Variants in NAA15 observed in about 807,000 individuals in gnomAD.
NAA15 encodes N-alpha-acetyltransferase 15, NatA auxiliary subunit, also known as N-terminal acetyltransferase.
In NAA15, 34 loss-of-function variants were observed where a neutral mutation model predicts 114.0. The observed-to-expected ratio is 0.30, with a 90% confidence interval of 0.23 to 0.40. NAA15 has a LOEUF of 0.40. Ranked by LOEUF, NAA15 falls within the 10% of genes least tolerant of loss-of-function variation. NAA15 has a pLI of 1.00. For synonymous variants in NAA15, 340 were observed against 338.0 expected (o/e 1.01, Z -0.06); for missense variants, 658 against 1,004.5 (o/e 0.66, Z 4.66).
intron 1 of NAA15, among the ~76,000 whole-genome samples, chr4:139,326,310 A>G (rs1746798835): frequency 6.6e-6 from 1 of 152,190 alleles, no homozygotes; most frequent in South Asian, 2.1e-4. Context: ...TATCTCGTGT[A>G]AAATGAAGAT....
chr4:139,349,231 T>C (rs1351039583), intron 6 of NAA15, among the ~76,000 whole-genome samples: 1 of 152,120 alleles, frequency 6.6e-6, no homozygotes. Context: ...ATTTTCTGAA[T>C]AAATTGAGGA....
At position 139,349,580 on chromosome 4, in the gene NAA15, A is replaced by G. The variant is rs201104167; in HGVS notation, c.810A>G (p.Pro270=). Residue 270 remains proline, a splice_region_variant and synonymous_variant, in exon 7 of 20, where the codon CCA becomes CCG. Coordinates refer to ENST00000296543, the MANE Select transcript of NAA15 (RefSeq NM_057175.5). ...YYKGLEKALK[P]ANMLERLKIY... is the part of the protein sequence containing the mutation. ...AAGGCTTGGAAAAAGCACTCAAGCCAGGTAGTATTGTTTAAAACTTACTAA... is the reference window on the plus strand; with the variant it reads ...AAGGCTTGGAAAAAGCACTCAAGCCGGGTAGTATTGTTTAAAACTTACTAA... 4 of 1,598,682 alleles carry G rather than the reference A, an allele frequency of 2.5e-6. No individual in the cohort carries two copies. The highest frequency in any genetic ancestry group is 3.4e-6 in the Non-Finnish European group (4 of 1,176,360).
Position 139,361,944 on chromosome 4 carries a change from TA to T in NAA15, c.1753+8del, listed in dbSNP as rs1748144773. ...GAACACGAAGCTGATACAGGTATAATATTCAGAGTTCTTCTTGTGCTCTGAT... is the reference window on the plus strand; with the variant it reads ...GAACACGAAGCTGATACAGGTATAATTTCAGAGTTCTTCTTGTGCTCTGAT... On this transcript the variant is annotated splice_region_variant and intron_variant, in intron 14 of 19. Coordinates refer to ENST00000296543, the MANE Select transcript of NAA15 (RefSeq NM_057175.5). 1 of 1,585,430 alleles carries T rather than the reference TA, an allele frequency of 6.3e-7. No individual in the cohort carries two copies. Among genetic ancestry groups the T allele is most frequent in the Non-Finnish European group, 8.6e-7 (1 of 1,161,310 alleles).
chr4:139,370,502 A>G (rs1220717215), intron 15 of NAA15, 98 bp downstream of exon 15: 13 of 1,185,230 alleles, frequency 1.1e-5, no homozygotes, highest in Non-Finnish European at 1.3e-5. Flanking sequence ...ACCTTATGTG[A>G]TATAGGTTTT....
intron 1 of NAA15, among the ~76,000 whole-genome samples, chr4:139,308,152 G>A (rs892485838): frequency 1.1e-4 from 16 of 151,944 alleles, no homozygotes; most frequent in East Asian, 5.8e-4. Flanking sequence ...TAGTAGAGAC[G>A]GGGTTTCACC....
chr4:139,348,673 T>A (rs1410797375), intron 6 of NAA15, among the ~76,000 whole-genome samples: 1 of 152,208 alleles, frequency 6.6e-6, no homozygotes, highest in Admixed American at 6.5e-5. Context: ...TATATAATAG[T>A]GAAACCACTG....
chr4:139,380,431 G>T (rs983140469), intron 17 of NAA15, among the ~76,000 whole-genome samples: 4 of 152,052 alleles, frequency 2.6e-5, no homozygotes, highest in African/African-American at 9.7e-5. Flanking sequence ...TTCCTGAAAG[G>T]TAGTAAAATA....
rs148484204 is a variant in NAA15 at position 139,360,455 on chromosome 4, G to A, written c.1411-45G>A. ...TTTTAAAATTCTGTGGTAGAATGAT[G>A]TCTATGATAAAAAGTGATCTTGAAA... On this transcript the variant is annotated intron_variant, in intron 12 of 19. Coordinates refer to ENST00000296543, the MANE Select transcript of NAA15 (RefSeq NM_057175.5). 2,137 of 1,450,264 alleles carry A rather than the reference G, an allele frequency of 1.5e-3. 6 individuals carry two copies. The highest frequency in any genetic ancestry group is 1.7e-3 in the Non-Finnish European group (1,900 of 1,093,124). 89.8% of individuals were successfully genotyped at this position (1,450,264 alleles called of 1,614,324 possible). A position where few individuals can be genotyped will look rare whatever the true frequency, so the allele number is the denominator to read the frequency against.
intron 1 of NAA15, among the ~76,000 whole-genome samples, chr4:139,315,005 G>T (rs148326714): frequency 0.25 from 29,501 of 115,746 alleles, 5,133 homozygotes; most frequent in African/African-American, 0.37. Context: ...GTTCAGTTTA[G>T]TTTAGGTTAG....
At position 139,388,171 on chromosome 4, in the gene NAA15, TACAC is replaced by T. The variant is rs1447794718; in HGVS notation, c.*89_*92del. 2 of 1,092,374 alleles carry T rather than the reference TACAC, an allele frequency of 1.8e-6. No individual in the cohort carries two copies. The highest frequency in any genetic ancestry group is 2.7e-6 in the Non-Finnish European group (2 of 752,432). 67.7% of individuals were successfully genotyped at this position (1,092,374 alleles called of 1,614,324 possible). On this transcript the variant is annotated 3_prime_UTR_variant, in exon 20 of 20. Coordinates refer to ENST00000296543, the MANE Select transcript of NAA15 (RefSeq NM_057175.5). ...ACGCACCTGCTGCATTGCTCTAACT[TACAC>T]AGAATGAGAGGAGTAAATGTTCTTG... is the stretch of plus-strand genomic sequence containing the variant.
At chr4:139,357,351 G>A (rs185848776) in intron 10 of NAA15, 35 bp from the exon 11 acceptor site, 1 of 1,600,008 alleles carries the variant, frequency 6.2e-7, no homozygotes, top group East Asian at 2.2e-5. Flanking sequence ...TATATGTAAT[G>A]CCTCATCTTG....
At chr4:139,304,379 C>CT (rs1745934940) in intron 1 of NAA15, among the ~76,000 whole-genome samples, 1 of 152,222 alleles carries the variant, frequency 6.6e-6, no homozygotes. Context: ...ATCCACCAGT[C>CT]TTATTCAGAT....
At chr4:139,350,214 G>A (rs1579114344) in intron 7 of NAA15, among the ~76,000 whole-genome samples, 1 of 152,168 alleles carries the variant, frequency 6.6e-6, no homozygotes, top group South Asian at 2.1e-4. Context: ...AGGCTGGGGC[G>A]GGAGGATTGC....
At chr4:139,330,940 T>TA (rs1350455597) in intron 1 of NAA15, among the ~76,000 whole-genome samples, 1 of 152,232 alleles carries the variant, frequency 6.6e-6, no homozygotes. Flanking sequence ...TTTCTGTTTC[T>TA]ACACATTTTC....
chr4:139,353,451 A>C (rs1296399628), intron 9 of NAA15, among the ~76,000 whole-genome samples: 1 of 152,210 alleles, frequency 6.6e-6, no homozygotes, highest in Non-Finnish European at 1.5e-5. Context: ...CAAAGAACAG[A>C]AGTAGTAAAT....
At chr4:139,361,634 C>A in intron 13 of NAA15, 90 bp from the exon 14 acceptor site, 1 of 751,038 alleles carries the variant, frequency 1.3e-6, no homozygotes, top group East Asian at 2.9e-5. Flanking sequence ...TTTTTCATGC[C>A]AAAGTAACAA....
In NAA15 at chr4:139,336,931, A is replaced by C. The variant is rs1471508637; in HGVS notation, c.223A>C (p.Asn75His). ...TGAATTGGTTCGTAGAGGTTTGAGA[A>C]ATGACTTGAAGAGTCATGTGTGTAT... ...AYELVRRGLR[N>H]DLKSHVCWHV... Residue 75 changes from asparagine to histidine, a missense_variant, in exon 3 of 20, where the codon AAT (asparagine) becomes CAT (histidine). By Grantham distance (68) the Asn-to-His change is moderately conservative (BLOSUM62 1). This residue lies in a region of NAA15 where 75 missense variants were observed against 172.3 expected (regional missense o/e 0.44). Coordinates refer to ENST00000296543, the MANE Select transcript of NAA15 (RefSeq NM_057175.5). 4 of 1,599,206 alleles carry C rather than the reference A, an allele frequency of 2.5e-6. No homozygotes were observed. Among genetic ancestry groups the C allele is most frequent in the Non-Finnish European group, 3.4e-6 (4 of 1,172,426 alleles).
At chr4:139,351,778 CCT>C (rs374809847) in intron 9 of NAA15, among the ~76,000 whole-genome samples, 167 bp downstream of exon 9, 20 of 152,062 alleles carry the variant, frequency 1.3e-4, no homozygotes, top group Admixed American at 2.6e-4. Flanking sequence ...TCCATTTCAT[CCT>C]CTTTTTTTTC....
At chr4:139,316,464 C>T (rs1746414479) in intron 1 of NAA15, among the ~76,000 whole-genome samples, 2 of 151,630 alleles carry the variant, frequency 1.3e-5, no homozygotes. Flanking sequence ...TTTACAAGTT[C>T]CTGTTATTTG....
Sources: gnomAD v4.1 joint callset for allele counts (sites outside exome capture counted in the v4.1 genomes callset) on GRCh38, gnomAD v4.1.1 for gene constraint, gnomAD v4.1.1 regional missense constraint, MANE v1.5 for transcripts, NCBI Gene and HGNC (gene_info 2026-07-23, HGNC 2026-07-21) for gene names.